Variants in SYK observed in about 807,000 individuals in gnomAD.
SYK encodes spleen associated tyrosine kinase.
Under a neutral mutation model 77.8 loss-of-function variants are expected in SYK, and 16 were observed. The observed-to-expected ratio is 0.21, with a 90% CI of 0.14 to 0.31. SYK has a LOEUF of 0.31. SYK is among the 10% of genes least tolerant of loss of function. The pLI, the probability that SYK is intolerant of heterozygous loss-of-function variation, is 1.00. For synonymous variants in SYK, 312 were observed against 308.7 expected, an observed-to-expected ratio of 1.01 and a Z score of -0.11; for missense variants, 529 against 814.4, an observed-to-expected ratio of 0.65 and a Z score of 4.26.
intron 1 of SYK, among the ~76,000 whole-genome samples, chr9:90,826,654 G>A (rs1825676488): frequency 6.6e-6 from 1 of 152,202 alleles, no homozygotes; most frequent in Admixed American, 6.5e-5. Context: ...TGCGTTTCCA[G>A]GGATGTTTCA....
chr9:90,868,821 C>G (rs1428207478), intron 7 of SYK, among the ~76,000 whole-genome samples: 1 of 152,140 alleles, frequency 6.6e-6, no homozygotes, highest in African/African-American at 2.4e-5. Flanking sequence ...GATATTCTTG[C>G]ATTTGTGTGA....
intron 3 of SYK, among the ~76,000 whole-genome samples, chr9:90,846,750 G>A (rs1373956660): frequency 1.3e-5 from 2 of 151,230 alleles, no homozygotes; most frequent in East Asian, 1.9e-4. Context: ...GTTGCCACGC[G>A]GCAGTGCCTA....
At chr9:90,842,659 G>A (rs771562805) in intron 1 of SYK, among the ~76,000 whole-genome samples, 23 of 151,142 alleles carry the variant, frequency 1.5e-4, no homozygotes, top group Non-Finnish European at 3.1e-4. Context: ...TGTGTGATGT[G>A]CATAGTGTGC....
intron 11 of SYK, among the ~76,000 whole-genome samples, chr9:90,880,073 A>G (rs1039675058): frequency 6.6e-6 from 1 of 152,252 alleles, no homozygotes; most frequent in Non-Finnish European, 1.5e-5. Flanking sequence ...TGAAGTCCAC[A>G]TGCTCAGAAA....
chr9:90,887,596 G>C (rs1351571006), intron 11 of SYK, among the ~76,000 whole-genome samples, 153 bp from the exon 12 acceptor site: 8 of 151,808 alleles, frequency 5.3e-5, no homozygotes, highest in African/African-American at 1.9e-4. Flanking sequence ...AATAGAGATG[G>C]GGTTTCCTCT....
chr9:90,886,300 CT>C (rs921939615), intron 11 of SYK, among the ~76,000 whole-genome samples: 1 of 152,092 alleles, frequency 6.6e-6, no homozygotes, highest in Admixed American at 6.5e-5. Context: ...ATTAAAAAGA[CT>C]TTTTTTAAAA....
rs184442388 is a variant in SYK at position 90,890,281 on chromosome 9, A to T, written c.1835+1654A>T. 2.0e-5 allele frequency among the ~76,000 whole-genome samples: 3 copies of T among 152,228 alleles called. No individual in the cohort carries two copies. In the East Asian group the frequency reaches 5.8e-4, roughly 29 times the overall value. On this transcript the variant is annotated intron_variant, in intron 13 of 13. Coordinates refer to ENST00000375754, the MANE Select transcript of SYK (RefSeq NM_003177.7). Reference sequence around the variant, plus strand: ...CGTGGTGTATTCTTGTGACTCAAGGAATCAGGATAGGGGCTGCTGGGCCGA... The same window carrying T: ...CGTGGTGTATTCTTGTGACTCAAGGTATCAGGATAGGGGCTGCTGGGCCGA...
chr9:90,833,377 G>A (rs1380640735), intron 1 of SYK, among the ~76,000 whole-genome samples: 1 of 152,186 alleles, frequency 6.6e-6, no homozygotes, highest in Non-Finnish European at 1.5e-5. Flanking sequence ...AGTGGCTTTG[G>A]GGAATATAGA....
chr9:90,865,203 G>C (rs767608162), intron 6 of SYK, 106 bp downstream of exon 6: 2 of 1,113,100 alleles, frequency 1.8e-6, no homozygotes, highest in Non-Finnish European at 2.7e-6. Flanking sequence ...TTTTGATTGC[G>C]CTTCAAAACA....
At chr9:90,887,682 C>T in intron 11 of SYK, 67 bp from the exon 12 acceptor site, 1 of 1,518,396 alleles carries the variant, frequency 6.6e-7, no homozygotes, top group Admixed American at 1.9e-5. Flanking sequence ...GGATTACAGG[C>T]ATGAACCAAT....
At chr9:90,873,692 C>T (rs531979291) in intron 7 of SYK, among the ~76,000 whole-genome samples, 1 of 152,188 alleles carries the variant, frequency 6.6e-6, no homozygotes, top group Non-Finnish European at 1.5e-5. Flanking sequence ...GCATCTCCAC[C>T]GAAGATAAAG....
intron 7 of SYK, among the ~76,000 whole-genome samples, chr9:90,868,069 A>G (rs1827585817): frequency 6.6e-6 from 1 of 152,242 alleles, no homozygotes; most frequent in African/African-American, 2.4e-5. Flanking sequence ...TACTAGAAAC[A>G]ACAGAAATAA....
chr9:90,861,300 C>T (rs1827250641), intron 3 of SYK, among the ~76,000 whole-genome samples: 1 of 152,130 alleles, frequency 6.6e-6, no homozygotes, highest in Non-Finnish European at 1.5e-5. Flanking sequence ...TTTCTGTTCA[C>T]CAGGACCCAG....
intron 3 of SYK, among the ~76,000 whole-genome samples, chr9:90,846,428 T>C (rs1157328840): frequency 6.6e-6 from 1 of 152,168 alleles, no homozygotes; most frequent in Non-Finnish European, 1.5e-5. Context: ...TTCGTAAACT[T>C]TTCCTAGATT....
In SYK at chr9:90,867,165, A is replaced by C. The variant is rs1827531829; in HGVS notation, c.881A>C (p.Lys294Thr). Residue 294 changes from lysine (K) to threonine (T), a missense_variant, in exon 7 of 14, where the codon AAA becomes ACA. Physicochemically the swap from Lys to Thr is moderately conservative, Grantham distance 78. This residue lies in a region of SYK where 321 missense variants were observed against 433.1 expected (regional missense o/e 0.74). Transcript: ENST00000375754. ...WSAGGIISRIKSYSFPKPGHR... is the reference protein window; with the variant it reads ...WSAGGIISRITSYSFPKPGHR... ...GCGGGTGGAATAATCTCAAGAATCA[A>C]ATCATACTCCTTCCCAAAGCCTGGC... The C allele has an allele frequency of 6.2e-7, 1 of 1,614,052 alleles. No individual in the cohort carries two copies. Among genetic ancestry groups the C allele is most frequent in the African/African-American group, 1.3e-5 (1 of 74,910 alleles).
intron 5 of SYK, 149 bp from the exon 6 acceptor site, chr9:90,864,899 A>G (rs890125875): frequency 1.2e-5 from 10 of 832,508 alleles, no homozygotes; most frequent in African/African-American, 5.1e-5. Context: ...GGGAAAAAGT[A>G]AAAGAGGGTC....
intron 5 of SYK, 126 bp from the exon 6 acceptor site, chr9:90,864,922 T>C: frequency 1.1e-6 from 1 of 947,062 alleles, no homozygotes; most frequent in Non-Finnish European, 1.7e-6. Flanking sequence ...AAGAAGTACC[T>C]GCAGAAAGCG....
At chr9:90,878,590 C>A (rs12005209) in intron 10 of SYK, among the ~76,000 whole-genome samples, 174 bp from the exon 11 acceptor site, 28,704 of 152,110 alleles carry the variant, frequency 0.19, 3,084 homozygotes, top group Admixed American at 0.3. Context: ...GAGAATATGG[C>A]ATTGAGTCCT....
rs201256392 is a variant in SYK, at chr9:90,884,404, T to C, written c.1582-3345T>C. ...GTGTATATATGCATACATACACATATGTGTATATATACATACATATACACA... is the reference window on the plus strand; with the variant it reads ...GTGTATATATGCATACATACACATACGTGTATATATACATACATATACACA... On this transcript the variant is annotated intron_variant, in intron 11 of 13. Coordinates refer to ENST00000375754, the MANE Select transcript of SYK (RefSeq NM_003177.7). Among the ~76,000 whole-genome samples the C allele has an allele frequency of 0.036, 960 of 26,328 alleles. 341 individuals carry two copies. In the East Asian group the frequency reaches 0.4, roughly 11 times the overall value. The allele number at this position is 26,328 out of a possible 152,430, so 17.3% of individuals were successfully genotyped here. A position where few individuals can be genotyped will look rare whatever the true frequency, so the allele number is the denominator to read the frequency against.
Sources: allele counts gnomAD v4.1 joint callset (sites outside exome capture counted in the v4.1 genomes callset), GRCh38; gene constraint gnomAD v4.1.1; regional missense constraint gnomAD v4.1.1; transcripts MANE v1.5; gene names NCBI Gene and HGNC (gene_info 2026-07-23, HGNC 2026-07-21).